The following RAB2B variants were observed in gnomAD, a reference collection of about 807,000 sequenced individuals.
RAB2B encodes RAB2B, member RAS oncogene family, also known as ras-related protein Rab-2B.
In RAB2B, 20 loss-of-function variants were observed where a neutral mutation model predicts 29.8. That is an observed-to-expected ratio of 0.67 (90% confidence interval 0.47 to 0.97). The LOEUF is 0.97. Among genes scored for constraint, RAB2B ranks in the 50% least tolerant of loss-of-function variants. The pLI, the probability that RAB2B is intolerant of heterozygous loss-of-function variation, is 0.00. For synonymous variants in RAB2B, 93 were observed against 91.7 expected (o/e 1.01, Z -0.08); for missense variants, 218 against 272.0 (o/e 0.80, Z 1.40).
chr14:21,472,519 G>A (rs1445109555), intron 3 of RAB2B, among the ~76,000 whole-genome samples: 1 of 152,118 alleles, frequency 6.6e-6, no homozygotes, highest in Non-Finnish European at 1.5e-5. Context: ...AAAGGCGACA[G>A]ACTAGATGGA....
intron 1 of RAB2B, 39 bp downstream of exon 1, chr14:21,476,788 G>A (rs554310472): frequency 4.5e-6 from 7 of 1,559,448 alleles, no homozygotes; most frequent in Middle Eastern, 3.4e-4. Context: ...AGCTTCGAAT[G>A]CCCGCCCGAG....
intron 3 of RAB2B, among the ~76,000 whole-genome samples, chr14:21,473,105 G>A (rs1890859292): frequency 6.6e-6 from 1 of 152,200 alleles, no homozygotes; most frequent in Non-Finnish European, 1.5e-5. Flanking sequence ...TGGATGGATA[G>A]ACAGATGAAC....
chr14:21,459,895 G>A lies in RAB2B; in HGVS notation c.*1301C>T, dbSNP rs780162857. On this transcript the variant is annotated 3_prime_UTR_variant, in exon 8 of 8. Transcript: ENST00000397762. ...AAGGGAGTTTGATGAAACAGTAGAA[G>A]TCTATCTGGTGAAAGACACTACAAT... 1.1e-4 allele frequency: 31 copies of A among 292,662 alleles called. No individual in the cohort carries two copies. The highest frequency in any genetic ancestry group is 2.1e-4 in the Non-Finnish European group (30 of 145,832). The allele number at this position is 292,662 out of a possible 1,614,324, so 18.1% of individuals were successfully genotyped here. A position where few individuals can be genotyped will look rare whatever the true frequency, so the allele number is the denominator to read the frequency against.
At chr14:21,472,397 G>A (rs1441480202) in intron 3 of RAB2B, among the ~76,000 whole-genome samples, 1 of 152,082 alleles carries the variant, frequency 6.6e-6, no homozygotes, top group Non-Finnish European at 1.5e-5. Flanking sequence ...TTTTCATGTA[G>A]GATGGGTTTG....
At chr14:21,472,874 T>C (rs573474635) in intron 3 of RAB2B, among the ~76,000 whole-genome samples, 142 of 151,542 alleles carry the variant, frequency 9.4e-4, no homozygotes, top group African/African-American at 3.3e-3. Context: ...ATGGCACTTA[T>C]TGGGTTTTTT....
chr14:21,462,357 T>C lies in RAB2B; in HGVS notation c.536A>G (p.His179Arg). 1 of 1,613,546 alleles carries C rather than the reference T, an allele frequency of 6.2e-7. No homozygotes were observed. The highest frequency in any genetic ancestry group is 1.3e-5 in the African/African-American group (1 of 75,014). ...RKIQQGLFDV[H>R]NEANGIKIGP... is the part of the protein sequence containing the mutation. The stretch of plus-strand genomic sequence containing the variant: ...ACTTCTACCCTTTCTTACCTCATTG[T>C]GGACATCAAATAAACCCTGCTGGAT... The change falls in exon 7 of 8, where the codon CAC becomes CGC. Residue 179 changes from histidine (H) to arginine (R), a missense_variant. His to Arg is a conservative substitution (Grantham distance 29). Transcript: ENST00000397762.
chr14:21,462,840 A>AC (rs1245668738), intron 6 of RAB2B, among the ~76,000 whole-genome samples: 6 of 151,298 alleles, frequency 4.0e-5, no homozygotes, highest in African/African-American at 1.5e-4. Flanking sequence ...TCAGTCTAAA[A>AC]AAAAAAAAAA....
chr14:21,469,597 G>A (rs1201878327), intron 3 of RAB2B, among the ~76,000 whole-genome samples: 1 of 151,610 alleles, frequency 6.6e-6, no homozygotes, highest in East Asian at 1.9e-4. Context: ...TTTTCCTTTA[G>A]GGAAAACAAA....
chr14:21,466,865 CAT>C (rs145945021), intron 5 of RAB2B, among the ~76,000 whole-genome samples: 20,439 of 152,104 alleles, frequency 0.13, 1,592 homozygotes, highest in Admixed American at 0.22. Context: ...CCAACAGACA[CAT>C]AGAGGTCTTT....
At position 21,459,827 on chromosome 14, in the gene RAB2B, G is replaced by A. The variant is rs994466565; in HGVS notation, c.*1369C>T. On this transcript the variant is annotated 3_prime_UTR_variant, in exon 8 of 8. Transcript: ENST00000397762. ...GGAATAAATATGTCACATTCAGTAA[G>A]TAGATTAGCCTGATTGGAGTAGAAA... 21 of 209,674 alleles carry A rather than the reference G, an allele frequency of 1.0e-4. No individual in the cohort carries two copies. The highest frequency in any genetic ancestry group is 4.8e-4 in the African/African-American group (21 of 43,340). 13.0% of individuals were successfully genotyped at this position (209,674 alleles called of 1,614,324 possible).
At chr14:21,476,294 T>C (rs1357710000) in intron 2 of RAB2B, 10 of 455,168 alleles carry the variant, frequency 2.2e-5, no homozygotes, top group East Asian at 6.4e-5. Context: ...AAAAATTATA[T>C]GACGAGTCTA....
chr14:21,460,037 T>G lies in RAB2B; in HGVS notation c.*1159A>C. ...GCTCTTAAAAGTTTTGAAGTTACAC[T>G]AAGAGATAGAAGCTAATAATAGGAT... is the stretch of plus-strand genomic sequence containing the variant. On this transcript the variant is annotated 3_prime_UTR_variant, in exon 8 of 8. Transcript: ENST00000397762. The G allele has an allele frequency of 2.4e-6, 1 of 417,050 alleles. No individual in the cohort carries two copies. The highest frequency in any genetic ancestry group is 4.7e-6 in the Non-Finnish European group (1 of 211,684). The allele number at this position is 417,050 out of a possible 1,614,324, so 25.8% of individuals were successfully genotyped here.
chr14:21,471,321 A>T (rs1193875802), intron 3 of RAB2B, among the ~76,000 whole-genome samples: 2 of 151,936 alleles, frequency 1.3e-5, no homozygotes, highest in Non-Finnish European at 2.9e-5. Context: ...CCAGTAAAAA[A>T]ATCTGAAGCA....
chr14:21,466,948 C>G (rs769600683), intron 5 of RAB2B, among the ~76,000 whole-genome samples: 2 of 152,114 alleles, frequency 1.3e-5, no homozygotes, highest in Non-Finnish European at 2.9e-5. Context: ...ACTCTGTCGC[C>G]CTGGCTGGAG....
chr14:21,475,064 T>C (rs1890914623), intron 2 of RAB2B, 130 bp from the exon 3 acceptor site: 1 of 664,760 alleles, frequency 1.5e-6, no homozygotes, highest in East Asian at 2.7e-5. Flanking sequence ...AATTCCATTA[T>C]TGCTGCCTAT....
At position 21,460,706 on chromosome 14, in the gene RAB2B, T is replaced by C. The variant is rs1416210977; in HGVS notation, c.*490A>G. ...TTGGCTTAGCGTAACCTTCACCTCC[T>C]GGGTTCAAGCGATTCTCCTGCCTTG... On this transcript the variant is annotated 3_prime_UTR_variant, in exon 8 of 8. Coordinates refer to ENST00000397762, the MANE Select transcript of RAB2B (RefSeq NM_032846.4). 1.3e-5 allele frequency: 2 copies of C among 153,014 alleles called. No homozygotes were observed. The highest frequency in any genetic ancestry group is 2.9e-5 in the Non-Finnish European group (2 of 68,736). The allele number at this position is 153,014 out of a possible 1,614,324, so 9.5% of individuals were successfully genotyped here.
intron 3 of RAB2B, among the ~76,000 whole-genome samples, chr14:21,471,960 G>A (rs1890828860): frequency 6.6e-6 from 1 of 152,082 alleles, no homozygotes; most frequent in East Asian, 1.9e-4. Context: ...ACAGGCATGA[G>A]CCACGACACC....
At chr14:21,462,297 G>A (rs1890575787) in intron 7 of RAB2B, 53 bp downstream of exon 7, 6 of 1,496,430 alleles carry the variant, frequency 4.0e-6, no homozygotes, top group Non-Finnish European at 5.5e-6. Flanking sequence ...GGAACCTCCA[G>A]TTGTATTCAG....
At chr14:21,474,980 A>G in intron 2 of RAB2B, 46 bp from the exon 3 acceptor site, 1 of 1,520,624 alleles carries the variant, frequency 6.6e-7, no homozygotes, top group Non-Finnish European at 9.1e-7. Flanking sequence ...CACGAACAGC[A>G]GCCACGTGGA....
Sources: allele counts gnomAD v4.1 joint callset (sites outside exome capture counted in the v4.1 genomes callset), GRCh38; gene constraint gnomAD v4.1.1; transcripts MANE v1.5; gene names NCBI Gene and HGNC (gene_info 2026-07-23, HGNC 2026-07-21).